Variants in TTLL11 observed in about 807,000 individuals in gnomAD.
TTLL11 encodes the protein tubulin tyrosine ligase like 11.
TTLL11 carries 42 observed loss-of-function variants against 51.7 expected under a neutral mutation model. That is an observed-to-expected ratio of 0.81 (90% CI 0.64 to 1.05). The LOEUF is 1.05. Among genes scored for constraint, TTLL11 ranks in the 50% least tolerant of loss-of-function variants. The pLI, the probability that TTLL11 is intolerant of heterozygous loss-of-function variation, is 0.00. For missense variants in TTLL11, 799 were observed against 940.4 expected, an observed-to-expected ratio of 0.85 and a Z score of 1.97; for synonymous variants, 381 against 383.5, an observed-to-expected ratio of 0.99 and a Z score of 0.08.
chr9:121,891,085 T>C (rs191567686), intron 6 of TTLL11, among the ~76,000 whole-genome samples: 1 of 152,300 alleles, frequency 6.6e-6, no homozygotes, highest in East Asian at 1.9e-4. Context: ...TGACACCCTG[T>C]TTTTAACCCC....
intron 1 of TTLL11, among the ~76,000 whole-genome samples, chr9:122,060,631 C>T (rs1228063659): frequency 1.3e-5 from 2 of 152,196 alleles, no homozygotes; most frequent in East Asian, 3.8e-4. Context: ...TGGTTTGAAT[C>T]CAAGTTTTGC....
chr9:122,006,991 A>AAAC (rs1843670249), intron 3 of TTLL11, among the ~76,000 whole-genome samples: 1 of 142,684 alleles, frequency 7.0e-6, no homozygotes, highest in African/African-American at 3.0e-5. Flanking sequence ...CAAAAAAAAA[A>AAAC]AAAAAAAAAA....
chr9:121,985,799 C>T (rs1466089618), intron 4 of TTLL11, among the ~76,000 whole-genome samples: 6 of 152,088 alleles, frequency 3.9e-5, no homozygotes, highest in Admixed American at 2.6e-4. Context: ...GGATTACAGG[C>T]GTGAGCCACC....
intron 4 of TTLL11, among the ~76,000 whole-genome samples, chr9:121,979,141 C>G (rs1842777503): frequency 6.6e-6 from 1 of 152,186 alleles, no homozygotes; most frequent in Admixed American, 6.5e-5. Flanking sequence ...GGGAGGCCAC[C>G]TGCCATATTG....
Position 121,837,072 on chromosome 9 carries a change from G to A in TTLL11, c.1841-14193C>T, listed in dbSNP as rs79083705. On this transcript the variant is annotated intron_variant, in intron 8 of 8. Transcript: ENST00000321582. ...TACACAATTTTAACCATGCCTTGAC[G>A]CTTCTCCGTGTCAGCATATATAGAT... Among the ~76,000 whole-genome samples, 728 of 152,116 alleles carry A rather than the reference G, an allele frequency of 4.8e-3. 9 individuals are homozygous for A. The highest frequency in any genetic ancestry group is 0.016 in the African/African-American group (666 of 41,464).
At chr9:121,941,053 C>T (rs10985459) in intron 6 of TTLL11, among the ~76,000 whole-genome samples, 31,766 of 152,116 alleles carry the variant, frequency 0.21, 3,441 homozygotes, top group Middle Eastern at 0.23. Context: ...CCATTTTTCT[C>T]CATGAAAACG....
intron 6 of TTLL11, among the ~76,000 whole-genome samples, chr9:121,944,958 C>G (rs979374945): frequency 2.0e-5 from 3 of 152,176 alleles, no homozygotes; most frequent in Non-Finnish European, 2.9e-5. Context: ...AAAAATGTGG[C>G]ATCAGCAAAG....
At chr9:121,858,073 C>T (rs957664719) in intron 8 of TTLL11, among the ~76,000 whole-genome samples, 1 of 152,224 alleles carries the variant, frequency 6.6e-6, no homozygotes, top group African/African-American at 2.4e-5. Context: ...CACATGAGCA[C>T]TCTCAGTCCT....
chr9:122,063,771 G>A (rs1845497363), intron 1 of TTLL11, among the ~76,000 whole-genome samples: 1 of 152,194 alleles, frequency 6.6e-6, no homozygotes, highest in African/African-American at 2.4e-5. Context: ...GACTGTCCAG[G>A]TTTTAAAACT....
intron 6 of TTLL11, among the ~76,000 whole-genome samples, chr9:121,940,646 C>T (rs1841419232): frequency 6.6e-6 from 1 of 151,992 alleles, no homozygotes; most frequent in Admixed American, 6.6e-5. Flanking sequence ...CCGACTTTCT[C>T]TCTCTTGATT....
intron 6 of TTLL11, among the ~76,000 whole-genome samples, chr9:121,931,789 C>T (rs1840993925): frequency 6.6e-6 from 1 of 152,130 alleles, no homozygotes; most frequent in South Asian, 2.1e-4. Context: ...TGCCTGCTTT[C>T]CAGAGGAAGC....
At chr9:121,882,200 C>T (rs1838822922) in intron 6 of TTLL11, among the ~76,000 whole-genome samples, 1 of 152,178 alleles carries the variant, frequency 6.6e-6, no homozygotes, top group Non-Finnish European at 1.5e-5. Context: ...GTAACCAGGA[C>T]CTGTCTGATG....
At chr9:121,944,365 G>A (rs1841593634) in intron 6 of TTLL11, among the ~76,000 whole-genome samples, 1 of 152,040 alleles carries the variant, frequency 6.6e-6, no homozygotes, top group African/African-American at 2.4e-5. Context: ...AAAATTAGCT[G>A]GGCATGGTGG....
chr9:121,879,130 G>A (rs904673112), intron 6 of TTLL11, among the ~76,000 whole-genome samples: 4 of 152,190 alleles, frequency 2.6e-5, no homozygotes, highest in Non-Finnish European at 5.9e-5. Context: ...ATACCTGTTT[G>A]CCACTTGGAT....
intron 3 of TTLL11, among the ~76,000 whole-genome samples, chr9:122,005,886 CAGACAGCCA>C (rs1029434343): frequency 7.2e-5 from 11 of 152,170 alleles, no homozygotes; most frequent in Admixed American, 7.2e-4. Context: ...GAGTGCCACA[CAGACAGCCA>C]TGAGCTGGGC....
chr9:122,010,406 C>T (rs1359962005), intron 3 of TTLL11, among the ~76,000 whole-genome samples: 1 of 152,234 alleles, frequency 6.6e-6, no homozygotes, highest in Non-Finnish European at 1.5e-5. Context: ...GGCTGGCAAA[C>T]TTTGGAGCGT....
chr9:122,035,560 C>T (rs564253747), intron 2 of TTLL11, among the ~76,000 whole-genome samples: 58 of 152,372 alleles, frequency 3.8e-4, no homozygotes, highest in Middle Eastern at 3.4e-3. Flanking sequence ...GAGCACTATT[C>T]AATCAAAATA....
At chr9:121,985,624 C>T (rs1295478880) in intron 4 of TTLL11, among the ~76,000 whole-genome samples, 1 of 148,626 alleles carries the variant, frequency 6.7e-6, no homozygotes, top group Admixed American at 6.8e-5. Flanking sequence ...TCACACCATT[C>T]TCCTGCCTCA....
At chr9:122,086,025 T>C (rs999558752) in intron 1 of TTLL11, among the ~76,000 whole-genome samples, 1 of 152,202 alleles carries the variant, frequency 6.6e-6, no homozygotes, top group East Asian at 1.9e-4. Context: ...ATAAAATGCA[T>C]GATTAAATTT....
Sources: allele counts gnomAD v4.1 joint callset (sites outside exome capture counted in the v4.1 genomes callset), GRCh38; gene constraint gnomAD v4.1.1; transcripts MANE v1.5; gene names NCBI Gene and HGNC (gene_info 2026-07-23, HGNC 2026-07-21).